Variants in SLC17A6 observed in about 807,000 individuals in gnomAD.
The protein encoded by SLC17A6 is vesicular glutamate transporter 2.
SLC17A6 carries 35 observed loss-of-function variants against 67.1 expected under a neutral mutation model. The ratio of observed to expected loss-of-function variants is 0.52; its 90% CI spans 0.40 to 0.69. SLC17A6 has a LOEUF of 0.69. Among genes scored for constraint, SLC17A6 ranks in the 30% least tolerant of loss-of-function variants. The pLI is 0.00. For missense variants in SLC17A6, 588 were observed against 723.9 expected, an observed-to-expected ratio of 0.81 and a Z score of 2.15; for synonymous variants, 285 against 252.3, an observed-to-expected ratio of 1.13 and a Z score of -1.23.
rs770125414 is a variant in SLC17A6 at position 22,377,723 on chromosome 11, C to G, written c.1732C>G (p.Arg578Gly). Residue 578 changes from arginine (R) to glycine (G), a missense_variant, in exon 12 of 12, where the codon CGA becomes GGA. Arg to Gly is a moderately radical substitution (Grantham distance 125). Coordinates refer to ENST00000263160, the MANE Select transcript of SLC17A6 (RefSeq NM_020346.3). Reference sequence around the variant, plus strand: ...ACAAGACTCACATAGCTATAAGGACCGAGTTGATTATTCATAACAAAACTA... The same window carrying G: ...ACAAGACTCACATAGCTATAAGGACGGAGTTGATTATTCATAACAAAACTA... ...EVQDSHSYKD[R>G]VDYS The G allele has an allele frequency of 6.4e-7, 1 of 1,571,538 alleles. No homozygotes were observed. The highest frequency in any genetic ancestry group is 8.6e-7 in the Non-Finnish European group (1 of 1,159,562).
chr11:22,364,118 T>C (rs529475364), intron 6 of SLC17A6, among the ~76,000 whole-genome samples: 2 of 152,302 alleles, frequency 1.3e-5, no homozygotes, highest in East Asian at 3.9e-4. Context: ...AGTACTTTCT[T>C]ACTTGCTGTG....
intron 6 of SLC17A6, among the ~76,000 whole-genome samples, chr11:22,364,922 C>A (rs762083717): frequency 8.5e-5 from 13 of 152,078 alleles, no homozygotes; most frequent in Non-Finnish European, 1.5e-4. Flanking sequence ...GATCAATAGG[C>A]AATACTATGT....
chr11:22,350,193 A>T (rs938411936), intron 3 of SLC17A6, among the ~76,000 whole-genome samples: 3 of 152,214 alleles, frequency 2.0e-5, no homozygotes, highest in African/African-American at 7.2e-5. Context: ...ACAGGTTTTC[A>T]GCAGCTGCAT....
At chr11:22,339,994 A>C (rs972787719) in intron 1 of SLC17A6, among the ~76,000 whole-genome samples, 1 of 152,238 alleles carries the variant, frequency 6.6e-6, no homozygotes. Context: ...GGACTTTAAG[A>C]ATAAACATTA....
At chr11:22,362,883 T>C (rs907095472) in intron 6 of SLC17A6, 58 bp downstream of exon 6, 191 of 1,326,652 alleles carry the variant, frequency 1.4e-4, no homozygotes, top group Non-Finnish European at 2.0e-4. Context: ...TAAAAGAAAA[T>C]GGTTGCAGAC....
chr11:22,368,748 C>T (rs1178556537), intron 7 of SLC17A6, among the ~76,000 whole-genome samples: 1 of 151,940 alleles, frequency 6.6e-6, no homozygotes, highest in Non-Finnish European at 1.5e-5. Flanking sequence ...AATAAGTGTA[C>T]GCATCTGGAA....
intron 4 of SLC17A6, among the ~76,000 whole-genome samples, chr11:22,359,807 G>T (rs1856029172): frequency 6.8e-6 from 1 of 146,010 alleles, no homozygotes; most frequent in African/African-American, 2.5e-5. Flanking sequence ...AGGGACTTTT[G>T]TTAATGTGTC....
At chr11:22,365,758 T>C (rs1169707949) in intron 7 of SLC17A6, 69 bp downstream of exon 7, 55 of 1,484,432 alleles carry the variant, frequency 3.7e-5, no homozygotes, top group Non-Finnish European at 4.8e-5. Context: ...AACCAAACTA[T>C]CTTACAAGTT....
Position 22,378,667 on chromosome 11 carries a change from T to A in SLC17A6, c.*927T>A, listed in dbSNP as rs1856261255. 1 of 152,434 alleles carries A rather than the reference T, an allele frequency of 6.6e-6. No homozygotes were observed. Among genetic ancestry groups the A allele is most frequent in the African/African-American group, 2.4e-5 (1 of 41,444 alleles). 9.4% of individuals were successfully genotyped at this position (152,434 alleles called of 1,614,324 possible). ...ACAAAGAAATAGAAAATGGTTTAGA[T>A]ATCTTTCTTCCTTCATAATTAAATA... On this transcript the variant is annotated 3_prime_UTR_variant, in exon 12 of 12. Transcript: ENST00000263160.
intron 6 of SLC17A6, among the ~76,000 whole-genome samples, chr11:22,364,126 G>A (rs1856081885): frequency 6.6e-6 from 1 of 152,142 alleles, no homozygotes; most frequent in Non-Finnish European, 1.5e-5. Context: ...CTTACTTGCT[G>A]TGTGTAACAA....
intron 3 of SLC17A6, among the ~76,000 whole-genome samples, chr11:22,351,344 A>G (rs562974891): frequency 9.6e-4 from 146 of 152,190 alleles, no homozygotes; most frequent in African/African-American, 3.3e-3. Flanking sequence ...ACCTAAATAG[A>G]TAATTATATC....
At chr11:22,339,673 G>A (rs1855790302) in intron 1 of SLC17A6, among the ~76,000 whole-genome samples, 1 of 152,150 alleles carries the variant, frequency 6.6e-6, no homozygotes, top group Non-Finnish European at 1.5e-5. Context: ...TGAAGTCTCT[G>A]TAAATGCATG....
At chr11:22,350,668 T>A (rs1026227098) in intron 3 of SLC17A6, among the ~76,000 whole-genome samples, 3 of 152,168 alleles carry the variant, frequency 2.0e-5, no homozygotes, top group Non-Finnish European at 4.4e-5. Context: ...TTCCTTTTTT[T>A]CCCCAGCCCA....
chr11:22,367,805 A>G (rs2133874392), intron 7 of SLC17A6, among the ~76,000 whole-genome samples: 1 of 152,252 alleles, frequency 6.6e-6, no homozygotes, highest in South Asian at 2.1e-4. Flanking sequence ...TCAGCTCCCC[A>G]CTTCCTATAC....
Position 22,360,973 on chromosome 11 carries a change from C to T in SLC17A6, c.650C>T (p.Thr217Ile), listed in dbSNP as rs371180115. ...CTAGAGAGGAGTAGACTGGCAACCA[C>T]CTCCTTTTGTGGTGAGTACTGTGTG... ...PPLERSRLAT[T>I]SFCGSYAGAV... Residue 217 changes from threonine to isoleucine, a missense_variant, in exon 5 of 12, where the codon ACC (threonine) becomes ATC (isoleucine). By Grantham distance (89) the Thr-to-Ile change is moderately conservative. Coordinates refer to ENST00000263160, the MANE Select transcript of SLC17A6 (RefSeq NM_020346.3). 2.9e-5 allele frequency: 46 copies of T among 1,613,794 alleles called. No homozygotes were observed. The highest frequency in any genetic ancestry group is 3.5e-5 in the Non-Finnish European group (41 of 1,179,874).
intron 3 of SLC17A6, among the ~76,000 whole-genome samples, chr11:22,357,280 G>A (rs189055537): frequency 1.3e-5 from 2 of 152,160 alleles, no homozygotes; most frequent in Non-Finnish European, 2.9e-5. Flanking sequence ...TGGAGTTTAT[G>A]GCATGTGAAG....
intron 4 of SLC17A6, among the ~76,000 whole-genome samples, chr11:22,360,044 C>T (rs925755932): frequency 6.6e-6 from 1 of 151,628 alleles, no homozygotes; most frequent in Non-Finnish European, 1.5e-5. Context: ...TTCGGCTTAC[C>T]AATTTCCCCT....
At chr11:22,371,606 G>A (rs184016726) in intron 8 of SLC17A6, among the ~76,000 whole-genome samples, 143 of 151,972 alleles carry the variant, frequency 9.4e-4, no homozygotes, top group African/African-American at 2.8e-3. Context: ...GCCAGTTCTC[G>A]GGGGCAGAGT....
chr11:22,347,502 TC>T (rs985758694), intron 3 of SLC17A6, among the ~76,000 whole-genome samples: 10 of 54,034 alleles, frequency 1.9e-4, no homozygotes, highest in African/African-American at 1.2e-3. Flanking sequence ...ATCTTAACTT[TC>T]GGGAAAAAAA....
Sources: allele counts gnomAD v4.1 joint callset (sites outside exome capture counted in the v4.1 genomes callset), GRCh38; gene constraint gnomAD v4.1.1; transcripts MANE v1.5; gene names NCBI Gene and HGNC (gene_info 2026-07-23, HGNC 2026-07-21).